SULF1: variants seen among roughly 807,000 people sequenced by gnomAD.
The protein encoded by SULF1 is sulfatase 1, also known as extracellular sulfatase Sulf-1.
A neutral mutation model predicts 110.5 loss-of-function variants in SULF1; 46 were observed. The observed-to-expected ratio is 0.42, with a 90% CI of 0.33 to 0.53. The LOEUF is 0.53. Ranked by LOEUF, SULF1 falls within the 20% of genes least tolerant of loss-of-function variation. The probability of loss-of-function intolerance (pLI) is 0.12; values close to 1 mark genes in which losing one functional copy is unlikely to be tolerated. For synonymous variants in SULF1, 371 were observed against 387.1 expected (o/e 0.96, Z 0.49); for missense variants, 941 against 1,094.2 (o/e 0.86, Z 1.98).
intron 5 of SULF1, among the ~76,000 whole-genome samples, chr8:69,565,393 C>T (rs893263386): frequency 6.6e-5 from 10 of 152,056 alleles, no homozygotes; most frequent in African/African-American, 1.9e-4. Flanking sequence ...TTTTTTAGAG[C>T]CTTGTGGGTC....
intron 8 of SULF1, among the ~76,000 whole-genome samples, chr8:69,591,187 T>G (rs532890152): frequency 2.6e-5 from 4 of 152,098 alleles, no homozygotes; most frequent in Admixed American, 2.6e-4. Context: ...AGAGCTCAGT[T>G]GCATGGAATC....
chr8:69,573,178 G>A (rs890042064), intron 5 of SULF1, among the ~76,000 whole-genome samples: 15 of 152,296 alleles, frequency 9.8e-5, no homozygotes, highest in African/African-American at 3.4e-4. Context: ...TCTTAACAGT[G>A]CCTATGGGGA....
intron 19 of SULF1, among the ~76,000 whole-genome samples, chr8:69,637,235 A>G (rs746818536): frequency 6.6e-6 from 1 of 152,174 alleles, no homozygotes; most frequent in Non-Finnish European, 1.5e-5. Flanking sequence ...ATCAGCTTCA[A>G]TGATTGCTCT....
In SULF1 at chr8:69,586,184, G is replaced by A. The variant is rs1014703428; in HGVS notation, c.413-173G>A. Among the ~76,000 whole-genome samples the A allele has an allele frequency of 5.9e-5, 9 of 152,280 alleles. No individual in the cohort carries two copies. The East Asian group carries it at 1.7e-3, about 29-fold the overall frequency. On this transcript the variant is annotated intron_variant, in intron 6 of 22. Coordinates refer to ENST00000402687, the MANE Select transcript of SULF1 (RefSeq NM_001128205.2). Reference sequence around the variant, plus strand: ...CTATTTATTTTTTAAAAATGTGTTTGTGTCACTTTGCCAAAGGATTGGAGT... The same window carrying A: ...CTATTTATTTTTTAAAAATGTGTTTATGTCACTTTGCCAAAGGATTGGAGT...
At chr8:69,589,586 G>A (rs1335417077) in intron 8 of SULF1, among the ~76,000 whole-genome samples, 3 of 152,138 alleles carry the variant, frequency 2.0e-5, no homozygotes, top group Non-Finnish European at 4.4e-5. Context: ...TGCTGCAGAC[G>A]TGCAATTAGA....
intron 6 of SULF1, among the ~76,000 whole-genome samples, chr8:69,580,561 C>T (rs1206223514): frequency 9.2e-5 from 14 of 152,140 alleles, no homozygotes; most frequent in Non-Finnish European, 1.6e-4. Context: ...CCTAAGTTTT[C>T]TTTCTTGTCC....
intron 3 of SULF1, among the ~76,000 whole-genome samples, chr8:69,507,456 T>G (rs1333352697): frequency 1.3e-5 from 2 of 152,320 alleles, no homozygotes; most frequent in East Asian, 3.9e-4. Flanking sequence ...GTGTCCTAAT[T>G]TGACCGCATT....
chr8:69,504,187 C>T (rs1182410515), intron 3 of SULF1, among the ~76,000 whole-genome samples: 1 of 152,164 alleles, frequency 6.6e-6, no homozygotes, highest in Non-Finnish European at 1.5e-5. Context: ...TGTGATTTCA[C>T]CACTGTGTTA....
At chr8:69,507,893 T>C (rs1811303264) in intron 3 of SULF1, among the ~76,000 whole-genome samples, 1 of 152,178 alleles carries the variant, frequency 6.6e-6, no homozygotes, top group Admixed American at 6.5e-5. Context: ...TTCAAGAACC[T>C]TGTGTCATAA....
intron 22 of SULF1, among the ~76,000 whole-genome samples, chr8:69,651,219 AT>A (rs946408569): frequency 1.3e-5 from 2 of 151,628 alleles, no homozygotes; most frequent in Non-Finnish European, 2.9e-5. Context: ...TGCCCAGCTA[AT>A]TTTTGTATTT....
rs753932546 is a variant in SULF1, at chr8:69,576,107, A to G, written c.310A>G (p.Asn104Asp). ...CACCGGGAAGTATGTGCACAATCAC[A>G]ATGTCTACACCAACAACGAGAACTG... is the stretch of plus-strand genomic sequence containing the variant. The part of the protein sequence containing the change: ...MLTGKYVHNH[N>D]VYTNNENCSS... Residue 104 changes from asparagine to aspartate, a missense_variant, in exon 6 of 23, where the codon AAT (asparagine) becomes GAT (aspartate). This residue lies in a region of SULF1 where 822 missense variants were observed against 934.3 expected (regional missense o/e 0.88). Transcript: ENST00000402687. 2 of 1,614,050 alleles carry G rather than the reference A, an allele frequency of 1.2e-6. No individual in the cohort carries two copies. The highest frequency in any genetic ancestry group is 2.2e-5 in the East Asian group (1 of 44,886).
At chr8:69,469,239 G>A (rs993936835) in intron 1 of SULF1, 4 of 152,250 alleles carry the variant, frequency 2.6e-5, no homozygotes, top group Admixed American at 2.0e-4. Flanking sequence ...TTGACATTTG[G>A]TTTCTTCCTG....
chr8:69,586,111 A>T (rs1806441719), intron 6 of SULF1, among the ~76,000 whole-genome samples: 1 of 152,220 alleles, frequency 6.6e-6, no homozygotes, highest in Non-Finnish European at 1.5e-5. Context: ...TGCTGTGATC[A>T]TTATGATGGT....
intron 5 of SULF1, among the ~76,000 whole-genome samples, chr8:69,570,541 G>T (rs1380644921): frequency 6.6e-6 from 1 of 152,104 alleles, no homozygotes; most frequent in African/African-American, 2.4e-5. Context: ...TCATACAAAT[G>T]ATTTTTGTAT....
intron 22 of SULF1, among the ~76,000 whole-genome samples, chr8:69,643,390 T>C (rs1419192280): frequency 6.6e-6 from 1 of 151,786 alleles, no homozygotes; most frequent in African/African-American, 2.4e-5. Flanking sequence ...TTAATTCTTT[T>C]AGATTTTGAC....
Position 69,535,086 on chromosome 8 carries a change from A to G in SULF1, c.-133-28453A>G, listed in dbSNP as rs564778943. ...CTGGGCTCACAAATGATAATTCCAG[A>G]GAATAAGGAAAGCATGCTGCAGTTG... On this transcript the variant is annotated intron_variant, in intron 3 of 22. Transcript: ENST00000402687. 1.4e-4 allele frequency among the ~76,000 whole-genome samples: 21 copies of G among 152,352 alleles called. No individual in the cohort carries two copies. The South Asian group carries it at 4.1e-3, about 30-fold the overall frequency.
chr8:69,491,410 T>C (rs1809935971), upstream of SULF1, among the ~76,000 whole-genome samples: 1 of 152,202 alleles, frequency 6.6e-6, no homozygotes, highest in Admixed American at 6.5e-5. Flanking sequence ...CAGTGATGTC[T>C]GAAAAATCTC....
At chr8:69,626,660 G>A (rs1010435275) in intron 15 of SULF1, among the ~76,000 whole-genome samples, 3 of 152,230 alleles carry the variant, frequency 2.0e-5, no homozygotes, top group Non-Finnish European at 2.9e-5. Context: ...GTGAGAAATC[G>A]AGCGCAGCGC....
intron 8 of SULF1, among the ~76,000 whole-genome samples, chr8:69,595,295 C>T (rs1807219776): frequency 1.3e-5 from 2 of 152,106 alleles, no homozygotes; most frequent in Non-Finnish European, 1.5e-5. Context: ...CTCCACCAGA[C>T]TTACTCAGTT....
Sources: gnomAD v4.1 joint callset for allele counts (sites outside exome capture counted in the v4.1 genomes callset) on GRCh38, gnomAD v4.1.1 for gene constraint, gnomAD v4.1.1 regional missense constraint, MANE v1.5 for transcripts, NCBI Gene and HGNC (gene_info 2026-07-23, HGNC 2026-07-21) for gene names.